The following PLEKHM2 variants were observed in gnomAD, a reference collection of about 807,000 sequenced individuals.
The protein encoded by PLEKHM2 is pleckstrin homology domain-containing family M member 2.
PLEKHM2 carries 77 observed loss-of-function variants against 116.3 expected under a neutral mutation model. The observed-to-expected ratio is 0.66, with a 90% confidence interval of 0.55 to 0.80. The LOEUF is 0.80. Among genes scored for constraint, PLEKHM2 ranks in the 30% least tolerant of loss-of-function variants. The pLI is 0.00. For missense variants in PLEKHM2, 1,183 were observed against 1,354.9 expected (o/e 0.87, Z 1.99); for synonymous variants, 562 against 571.0 (o/e 0.98, Z 0.22).
chr1:15,720,045 AG>A (rs1429371552), intron 6 of PLEKHM2, 125 bp downstream of exon 6: 2 of 695,842 alleles, frequency 2.9e-6, no homozygotes, highest in Non-Finnish European at 4.6e-6. Context: ...GCAATTAAAC[AG>A]GGCTGGCCAT....
In PLEKHM2 at chr1:15,684,335, T is replaced by C; in HGVS notation, c.-224T>C. ...CCGCCGCGGCGCACAGCCCGCGGCC[T>C]CCTTCCCCGCCGGCCGCGCTCCGGA... is the stretch of plus-strand genomic sequence containing the variant. On this transcript the variant is annotated 5_prime_UTR_variant, in exon 1 of 20. Transcript: ENST00000375799. 6.5e-6 allele frequency: 1 copy of C among 153,718 alleles called. No individual in the cohort carries two copies. Among genetic ancestry groups the C allele is most frequent in the Non-Finnish European group, 1.4e-5 (1 of 71,526 alleles). 9.5% of individuals were successfully genotyped at this position (153,718 alleles called of 1,614,324 possible).
In PLEKHM2 at chr1:15,729,074, G is replaced by A; in HGVS notation, c.1987-28G>A. 6.3e-7 allele frequency: 1 copy of A among 1,589,188 alleles called. No homozygotes were observed. The highest frequency in any genetic ancestry group is 1.3e-5 in the African/African-American group (1 of 74,544). The stretch of plus-strand genomic sequence containing the variant: ...CCGCCAGGCAGCAGCTAAGCCCCAA[G>A]TGCATGTCACGGTGTGGTTTCTGGC... On this transcript the variant is annotated intron_variant, in intron 12 of 19. Coordinates refer to ENST00000375799, the MANE Select transcript of PLEKHM2 (RefSeq NM_015164.4). The surrounding 1 kb of genome is among the most constrained non-coding windows in gnomAD (Gnocchi z 4.7).
chr1:15,684,726 C>CG (rs1400363329), intron 1 of PLEKHM2, 108 bp downstream of exon 1: 3 of 499,162 alleles, frequency 6.0e-6, no homozygotes, highest in Non-Finnish European at 8.8e-6. Context: ...CTCCGCGACC[C>CG]GGGGGGCGAC....
chr1:15,733,798 T>C lies in PLEKHM2; in HGVS notation c.2924T>C (p.Val975Ala), dbSNP rs2068183576. The C allele has an allele frequency of 6.2e-7, 1 of 1,612,530 alleles. No homozygotes were observed. The highest frequency in any genetic ancestry group is 2.2e-5 in the East Asian group (1 of 44,838). The change falls in exon 20 of 20, where the codon GTG becomes GCG. Residue 975 changes from valine (V) to alanine (A), a missense_variant and splice_region_variant. Val to Ala is a moderately conservative substitution (Grantham distance 64). Coordinates refer to ENST00000375799, the MANE Select transcript of PLEKHM2 (RefSeq NM_015164.4). ...LNSGWKTIYQ[V>A]DLPHTAIQEA... is the part of the protein sequence containing the mutation. Reference sequence around the variant, plus strand: ...TGTTCTCTGCACGCCCCAACACAGGTGGACCTCCCCCACACGGCGATCCAG... The same window carrying C: ...TGTTCTCTGCACGCCCCAACACAGGCGGACCTCCCCCACACGGCGATCCAG...
chr1:15,712,384 C>A (rs35699044), intron 1 of PLEKHM2, among the ~76,000 whole-genome samples: 1 of 151,964 alleles, frequency 6.6e-6, no homozygotes, highest in African/African-American at 2.4e-5. Flanking sequence ...TTCTAGACGG[C>A]CAGGTGGCAG....
Position 15,704,899 on chromosome 1 carries a change from C to T in PLEKHM2, c.61-11338C>T, listed in dbSNP as rs140211948. 5.9e-5 allele frequency among the ~76,000 whole-genome samples: 9 copies of T among 152,312 alleles called. No homozygotes were observed. In the East Asian group the frequency reaches 1.3e-3, roughly 23 times the overall value. Reference sequence around the variant, plus strand: ...TGGTCTAAGACAGTGATCCTCAGCCCGGGCCAGGCATCAGGATTACCTGGA... The same window carrying T: ...TGGTCTAAGACAGTGATCCTCAGCCTGGGCCAGGCATCAGGATTACCTGGA... On this transcript the variant is annotated intron_variant, in intron 1 of 19. Transcript: ENST00000375799.
chr1:15,686,641 C>T (rs575508061), intron 1 of PLEKHM2, among the ~76,000 whole-genome samples: 10 of 136,134 alleles, frequency 7.3e-5, no homozygotes, highest in African/African-American at 2.8e-4. Context: ...CCACCACACC[C>T]GGCTAAATTT....
intron 1 of PLEKHM2, among the ~76,000 whole-genome samples, chr1:15,686,605 C>T (rs555530414): frequency 6.0e-5 from 9 of 150,842 alleles, no homozygotes; most frequent in Middle Eastern, 3.5e-3. Flanking sequence ...CTCGGCCTCT[C>T]GAGTAGCTGG....
intron 1 of PLEKHM2, among the ~76,000 whole-genome samples, chr1:15,697,667 G>A (rs1641024030): frequency 1.3e-5 from 2 of 152,152 alleles, no homozygotes; most frequent in Admixed American, 1.3e-4. Context: ...CCCCCTGCAT[G>A]TCTTTCTTTT....
intron 1 of PLEKHM2, among the ~76,000 whole-genome samples, chr1:15,687,338 T>G (rs1640794509): frequency 6.6e-6 from 1 of 151,948 alleles, no homozygotes; most frequent in South Asian, 2.1e-4. Flanking sequence ...TATGCCCGGC[T>G]AATTTTTTTG....
intron 7 of PLEKHM2, 70 bp from the exon 8 acceptor site, chr1:15,725,247 C>G: frequency 8.8e-7 from 1 of 1,138,684 alleles, no homozygotes; most frequent in Admixed American, 2.0e-5. Flanking sequence ...CCTGGGCTAA[C>G]GCATGCTCTG....
intron 15 of PLEKHM2, among the ~76,000 whole-genome samples, 165 bp from the exon 16 acceptor site, chr1:15,731,027 C>G (rs2068135362): frequency 6.6e-6 from 1 of 152,212 alleles, no homozygotes; most frequent in African/African-American, 2.4e-5. Flanking sequence ...TGCTGGGCCC[C>G]CAGGCCCTTC....
chr1:15,688,689 T>G lies in PLEKHM2; in HGVS notation c.60+4071T>G, dbSNP rs1034585013. On this transcript the variant is annotated intron_variant, in intron 1 of 19. Transcript: ENST00000375799. ...AAAAGGAAATGATAACAATAGCAAATTCAATTCATATTCAATTCTAGAAAG... is the reference window on the plus strand; with the variant it reads ...AAAAGGAAATGATAACAATAGCAAAGTCAATTCATATTCAATTCTAGAAAG... Among the ~76,000 whole-genome samples, 4 of 148,638 alleles carry G rather than the reference T, an allele frequency of 2.7e-5. No homozygotes were observed. The South Asian group carries it at 6.5e-4, about 24-fold the overall frequency.
At chr1:15,701,028 G>A (rs1297724651) in intron 1 of PLEKHM2, among the ~76,000 whole-genome samples, 7 of 148,706 alleles carry the variant, frequency 4.7e-5, no homozygotes, top group African/African-American at 1.5e-4. Flanking sequence ...CAGGAGAATC[G>A]CTCGAACCCA....
Position 15,730,178 on chromosome 1 carries a change from C to T in PLEKHM2, c.2208+249C>T, listed in dbSNP as rs1395118538. ...TCGCTCGGCAGGGCACAGTGGCTCA[C>T]GCCTGTAATCCCAGCACTTTGGGAG... On this transcript the variant is annotated intron_variant, in intron 14 of 19. Coordinates refer to ENST00000375799, the MANE Select transcript of PLEKHM2 (RefSeq NM_015164.4). 3.9e-5 allele frequency among the ~76,000 whole-genome samples: 6 copies of T among 152,210 alleles called. No homozygotes were observed. In the South Asian group the frequency reaches 6.2e-4, roughly 16 times the overall value.
chr1:15,728,774 A>T lies in PLEKHM2; in HGVS notation c.1986+41A>T. ...GCAGTTGTGCGCCTGCTGTAGGTAC[A>T]GGGCTTCTCAAGCCACTTACCCATA... On this transcript the variant is annotated intron_variant, in intron 12 of 19. Coordinates refer to ENST00000375799, the MANE Select transcript of PLEKHM2 (RefSeq NM_015164.4). The surrounding 1 kb of genome is among the most constrained non-coding windows in gnomAD (Gnocchi z 5.9). The T allele has an allele frequency of 1.9e-6, 3 of 1,546,762 alleles. No individual in the cohort carries two copies. Among genetic ancestry groups the T allele is most frequent in the Non-Finnish European group, 2.6e-6 (3 of 1,132,624 alleles).
At chr1:15,686,853 G>A (rs1640782636) in intron 1 of PLEKHM2, among the ~76,000 whole-genome samples, 1 of 152,026 alleles carries the variant, frequency 6.6e-6, no homozygotes, top group African/African-American at 2.4e-5. Context: ...GTTTCACCAT[G>A]TTAACCAGGG....
intron 1 of PLEKHM2, among the ~76,000 whole-genome samples, chr1:15,709,952 G>C (rs968599783): frequency 6.6e-6 from 1 of 152,004 alleles, no homozygotes; most frequent in Admixed American, 6.6e-5. Flanking sequence ...CAAGCCGGGC[G>C]CGGTGGCTCA....
chr1:15,720,330 C>G, intron 6 of PLEKHM2: 1 of 984,990 alleles, frequency 1.0e-6, no homozygotes, highest in Non-Finnish European at 1.2e-6. Context: ...GGTTAAGCAA[C>G]CCCTAGAAGA....
Sources: allele counts gnomAD v4.1 joint callset (sites outside exome capture counted in the v4.1 genomes callset), GRCh38; gene constraint gnomAD v4.1.1; non-coding constraint Gnocchi (gnomAD v3.1); transcripts MANE v1.5; gene names NCBI Gene and HGNC (gene_info 2026-07-23, HGNC 2026-07-21).